Variants in MOCS3 observed in about 807,000 individuals in gnomAD.
MOCS3 encodes adenylyltransferase and sulfurtransferase MOCS3.
A neutral mutation model predicts 8.4 loss-of-function variants in MOCS3; 9 were observed. That is an observed-to-expected ratio of 1.07 (90% CI 0.65 to 1.87). The LOEUF (loss-of-function observed/expected upper bound fraction) is 1.87. Among genes scored for constraint, MOCS3 ranks in the 40% most tolerant of loss-of-function variants. MOCS3 has a pLI of 0.00. For missense variants in MOCS3, 581 were observed against 599.7 expected (o/e 0.97, Z 0.33); for synonymous variants, 294 against 272.0 (o/e 1.08, Z -0.80).
At position 50,963,647 on chromosome 20, in the gene MOCS3, G is replaced by A. The variant is rs1987144489; in HGVS notation, c.*3422G>A. ...ATTAGGGAGAGTGGGACAGGGTGAG[G>A]TTTGAGAAGCAGGGAACATCATAAA... is the stretch of plus-strand genomic sequence containing the variant. On this transcript the variant is annotated 3_prime_UTR_variant, in exon 1 of 1. Coordinates refer to ENST00000244051, the MANE Select transcript of MOCS3 (RefSeq NM_014484.5). 1 of 152,226 alleles carries A rather than the reference G, an allele frequency of 6.6e-6. No homozygotes were observed. Among genetic ancestry groups the A allele is most frequent in the Admixed American group, 6.5e-5 (1 of 15,276 alleles). The allele number at this position is 152,226 out of a possible 1,614,324, so 9.4% of individuals were successfully genotyped here.
rs903922700 is a variant in MOCS3 at position 50,963,071 on chromosome 20, C to T, written c.*2846C>T. The T allele has an allele frequency of 7.9e-5, 12 of 152,086 alleles. No homozygotes were observed. Among genetic ancestry groups the T allele is most frequent in the Non-Finnish European group, 1.6e-4 (11 of 68,040 alleles). 9.4% of individuals were successfully genotyped at this position (152,086 alleles called of 1,614,324 possible). ...TAGCTTGAATTACAGTTGTATGCCA[C>T]CATGCCTAGCCATTTTTTAATTTAA... On this transcript the variant is annotated 3_prime_UTR_variant, in exon 1 of 1. Transcript: ENST00000244051.
In MOCS3 at chr20:50,959,273, C is replaced by A. The variant is rs867772153; in HGVS notation, c.431C>A (p.Ser144Ter). 1 of 1,609,866 alleles carries A rather than the reference C, an allele frequency of 6.2e-7. No homozygotes were observed. The highest frequency in any genetic ancestry group is 8.5e-7 in the Non-Finnish European group (1 of 1,179,392). The change falls in exon 1 of 1, where the codon TCG becomes TAG. Residue 144 changes from serine to a stop codon, truncating the protein, a stop_gained. Coordinates refer to ENST00000244051, the MANE Select transcript of MOCS3 (RefSeq NM_014484.5). LOFTEE classifies it low-confidence loss of function (END_TRUNC). ...GCCAAGGCCTTTTCGGCCGCCGCCT[C>A]GCTGCGCCGCCTCAATTCGGCAGTG... ...GQAKAFSAAA[S>*]LRRLNSAVEC... is the part of the protein sequence containing the mutation.
In MOCS3 at chr20:50,962,154, C is replaced by G. The variant is rs2123164387; in HGVS notation, c.*1929C>G. 2 of 152,320 alleles carry G rather than the reference C, an allele frequency of 1.3e-5. No homozygotes were observed. The highest frequency in any genetic ancestry group is 6.8e-3 in the Middle Eastern group (2 of 294). 9.4% of individuals were successfully genotyped at this position (152,320 alleles called of 1,614,324 possible). A position where few individuals can be genotyped will look rare whatever the true frequency, so the allele number is the denominator to read the frequency against. ...ATGATGCCCGAAATCATGCACAAAA[C>G]TGGCCTTAGGAGAACAGTGTCTATG... On this transcript the variant is annotated 3_prime_UTR_variant, in exon 1 of 1. Coordinates refer to ENST00000244051, the MANE Select transcript of MOCS3 (RefSeq NM_014484.5).
Position 50,958,869 on chromosome 20 carries a change from C to CT in MOCS3, c.29dup (p.Leu10PhefsTer4). 1 of 1,597,716 alleles carries CT rather than the reference C, an allele frequency of 6.3e-7. No homozygotes were observed. The highest frequency in any genetic ancestry group is 8.6e-7 in the Non-Finnish European group (1 of 1,167,710). ...TGGCTTCCCGGGAGGAGGTACTCGC[C>CT]TTACAAGCTGAAGTTGCCCAACGTG... On this transcript the variant is annotated frameshift_variant, in exon 1 of 1. Transcript: ENST00000244051. LOFTEE classifies it low-confidence loss of function (END_TRUNC).
At position 50,961,316 on chromosome 20, in the gene MOCS3, G is replaced by A. The variant is rs1987098688; in HGVS notation, c.*1091G>A. On this transcript the variant is annotated 3_prime_UTR_variant, in exon 1 of 1. Transcript: ENST00000244051. Reference sequence around the variant, plus strand: ...TTATACTAATGTAAAATGTTTTTATGTTTGTTTACTTAACATTTTCATAAA... The same window carrying A: ...TTATACTAATGTAAAATGTTTTTATATTTGTTTACTTAACATTTTCATAAA... The A allele has an allele frequency of 6.1e-6, 1 of 163,008 alleles. No individual in the cohort carries two copies. The highest frequency in any genetic ancestry group is 2.5e-5 in the African/African-American group (1 of 40,040). The allele number at this position is 163,008 out of a possible 1,614,324, so 10.1% of individuals were successfully genotyped here. A position where few individuals can be genotyped will look rare whatever the true frequency, so the allele number is the denominator to read the frequency against.
chr20:50,960,351 T>A lies in MOCS3; in HGVS notation c.*126T>A. On this transcript the variant is annotated 3_prime_UTR_variant, in exon 1 of 1. Coordinates refer to ENST00000244051, the MANE Select transcript of MOCS3 (RefSeq NM_014484.5). ...CTACAGTATCTGTGAATACGTGGAC[T>A]CCTTTTTATAAGGAGTTTTAAAAAT... The A allele has an allele frequency of 1.0e-6, 1 of 969,992 alleles. No individual in the cohort carries two copies. The highest frequency in any genetic ancestry group is 1.5e-6 in the Non-Finnish European group (1 of 676,266). 60.1% of individuals were successfully genotyped at this position (969,992 alleles called of 1,614,324 possible).
rs1371866797 is a variant in MOCS3, at chr20:50,959,641, C to T, written c.799C>T (p.Leu267=). The T allele has an allele frequency of 1.9e-6, 3 of 1,614,232 alleles. No individual in the cohort carries two copies. Among genetic ancestry groups the T allele is most frequent in the Non-Finnish European group, 2.5e-6 (3 of 1,180,052 alleles). The part of the protein sequence containing the change: ...ALEVLKIAAG[L]GPSYSGSLLL... ...GGAAGTGCTGAAAATCGCTGCGGGTCTGGGCCCCTCTTACAGTGGCAGCTT... is the reference window on the plus strand; with the variant it reads ...GGAAGTGCTGAAAATCGCTGCGGGTTTGGGCCCCTCTTACAGTGGCAGCTT... Residue 267 remains leucine (L), a synonymous_variant, in exon 1 of 1, where the codon CTG becomes TTG. Transcript: ENST00000244051.
In MOCS3 at chr20:50,959,277, G is replaced by A; in HGVS notation, c.435G>A (p.Leu145=). ...AGGCCTTTTCGGCCGCCGCCTCGCT[G>A]CGCCGCCTCAATTCGGCAGTGGAAT... The part of the protein sequence containing the change: ...QAKAFSAAAS[L]RRLNSAVECV... The change falls in exon 1 of 1, where the codon CTG becomes CTA. Residue 145 remains leucine, a synonymous_variant. Transcript: ENST00000244051. 6.2e-7 allele frequency: 1 copy of A among 1,610,088 alleles called. No individual in the cohort carries two copies. Among genetic ancestry groups the A allele is most frequent in the Non-Finnish European group, 8.5e-7 (1 of 1,179,416 alleles).
chr20:50,962,849 A>T lies in MOCS3; in HGVS notation c.*2624A>T, dbSNP rs1987130132. On this transcript the variant is annotated 3_prime_UTR_variant, in exon 1 of 1. Coordinates refer to ENST00000244051, the MANE Select transcript of MOCS3 (RefSeq NM_014484.5). Reference sequence around the variant, plus strand: ...ACAGGCATGAGTCACTGCACCTGGCATATATTAGTATTTGAAATTTGGTTT... The same window carrying T: ...ACAGGCATGAGTCACTGCACCTGGCTTATATTAGTATTTGAAATTTGGTTT... The T allele has an allele frequency of 2.0e-5, 3 of 152,098 alleles. No individual in the cohort carries two copies. The South Asian group carries it at 6.2e-4, about 32-fold the overall frequency. 9.4% of individuals were successfully genotyped at this position (152,098 alleles called of 1,614,324 possible). A position where few individuals can be genotyped will look rare whatever the true frequency, so the allele number is the denominator to read the frequency against.
In MOCS3 at chr20:50,959,335, A is replaced by G; in HGVS notation, c.493A>G (p.Thr165Ala). The change falls in exon 1 of 1, where the codon ACT (threonine) becomes GCT (alanine). Residue 165 changes from threonine to alanine, a missense_variant. Transcript: ENST00000244051. ...VPYTQALTPA[T>A]ALDLVRRYDV... is the part of the protein sequence containing the mutation. ...GTACACTCAGGCCCTTACGCCAGCC[A>G]CTGCCCTAGACCTGGTCCGCCGATA... 1.2e-6 allele frequency: 2 copies of G among 1,610,324 alleles called. No individual in the cohort carries two copies. The highest frequency in any genetic ancestry group is 1.7e-6 in the Non-Finnish European group (2 of 1,178,274).
Position 50,959,461 on chromosome 20 carries a change from C to G in MOCS3, c.619C>G (p.Arg207Gly), listed in dbSNP as rs1987029304. ...GCCCCTCGTGTCTGCCAGTGCCTTG[C>G]GCTTCGAGGGCCAAATCACAGTCTA... ...GRPLVSASAL[R>G]FEGQITVYHY... The change falls in exon 1 of 1, where the codon CGC (arginine) becomes GGC (glycine). Residue 207 changes from arginine to glycine, a missense_variant. Coordinates refer to ENST00000244051, the MANE Select transcript of MOCS3 (RefSeq NM_014484.5). The G allele has an allele frequency of 6.2e-6, 10 of 1,613,952 alleles. No individual in the cohort carries two copies. In the East Asian group the frequency reaches 1.3e-4, roughly 22 times the overall value.
At position 50,960,185 on chromosome 20, in the gene MOCS3, C is replaced by G. The variant is rs774933539; in HGVS notation, c.1343C>G (p.Ala448Gly). The G allele has an allele frequency of 6.2e-7, 1 of 1,613,976 alleles. No individual in the cohort carries two copies. Among genetic ancestry groups the G allele is most frequent in the Non-Finnish European group, 8.5e-7 (1 of 1,179,866 alleles). Reference protein sequence around the residue: ...TVRDVVGGLMAWAAKIDGTFP... With the variant: ...TVRDVVGGLMGWAAKIDGTFP... ...CGGGATGTTGTGGGGGGCCTCATGG[C>G]CTGGGCTGCCAAAATCGATGGAACA... Residue 448 changes from alanine to glycine, a missense_variant, in exon 1 of 1, where the codon GCC becomes GGC. Ala to Gly is a moderately conservative substitution (Grantham distance 60). Transcript: ENST00000244051.
At position 50,958,881 on chromosome 20, in the gene MOCS3, A is replaced by C. The variant is rs951010755; in HGVS notation, c.39A>C (p.Glu13Asp). ...AGGAGGTACTCGCCTTACAAGCTGA[A>C]GTTGCCCAACGTGAGGAGGAATTGA... ...SREEVLALQA[E>D]VAQREEELNS... Residue 13 changes from glutamate to aspartate, a missense_variant, in exon 1 of 1, where the codon GAA (glutamate) becomes GAC (aspartate). By Grantham distance (45) the Glu-to-Asp change is conservative. Transcript: ENST00000244051. The C allele has an allele frequency of 7.5e-6, 12 of 1,600,992 alleles. No homozygotes were observed. The highest frequency in any genetic ancestry group is 9.4e-6 in the Non-Finnish European group (11 of 1,170,028).
At position 50,961,786 on chromosome 20, in the gene MOCS3, G is replaced by A. The variant is rs563021841; in HGVS notation, c.*1561G>A. ...GTATGGTATACCCTTCTGTTATAAA[G>A]ATGAAGCAGGTCTCTTATGACTGTT... On this transcript the variant is annotated 3_prime_UTR_variant, in exon 1 of 1. Coordinates refer to ENST00000244051, the MANE Select transcript of MOCS3 (RefSeq NM_014484.5). 6.6e-6 allele frequency: 1 copy of A among 152,184 alleles called. No individual in the cohort carries two copies. The highest frequency in any genetic ancestry group is 1.5e-5 in the Non-Finnish European group (1 of 68,036). The allele number at this position is 152,184 out of a possible 1,614,324, so 9.4% of individuals were successfully genotyped here. A position where few individuals can be genotyped will look rare whatever the true frequency, so the allele number is the denominator to read the frequency against.
rs1413280960 is a variant in MOCS3, at chr20:50,959,712, G to A, written c.870G>A (p.Leu290=). 2.5e-6 allele frequency: 4 copies of A among 1,614,266 alleles called. No individual in the cohort carries two copies. In the East Asian group the frequency reaches 8.9e-5, roughly 36 times the overall value. ...ALRGHFRSIR[L]RSRRLDCAAC... ...GAGGGCATTTCCGCTCTATTCGGCT[G>A]CGGAGCCGCAGGCTCGACTGTGCAG... The change falls in exon 1 of 1, where the codon CTG becomes CTA. Residue 290 remains leucine, a synonymous_variant. Coordinates refer to ENST00000244051, the MANE Select transcript of MOCS3 (RefSeq NM_014484.5).
In MOCS3 at chr20:50,961,532, CA is replaced by C. The variant is rs1302530675; in HGVS notation, c.*1308del. 2.0e-5 allele frequency: 3 copies of C among 152,158 alleles called. No homozygotes were observed. Among genetic ancestry groups the C allele is most frequent in the Non-Finnish European group, 4.4e-5 (3 of 68,034 alleles). 9.4% of individuals were successfully genotyped at this position (152,158 alleles called of 1,614,324 possible). A position where few individuals can be genotyped will look rare whatever the true frequency, so the allele number is the denominator to read the frequency against. On this transcript the variant is annotated 3_prime_UTR_variant, in exon 1 of 1. Transcript: ENST00000244051. ...GTTTTTTTAAGAATGGCAGAAATCA[CA>C]GATACAACTATAAAATCTTTGTATT... is the stretch of plus-strand genomic sequence containing the variant.
In MOCS3 at chr20:50,961,363, T is replaced by C. The variant is rs1987100007; in HGVS notation, c.*1138T>C. On this transcript the variant is annotated 3_prime_UTR_variant, in exon 1 of 1. Transcript: ENST00000244051. ...TAAAATAGTAGGTAGTCTCACCAACTTCCAATATATACAACAACATTATAA... is the reference window on the plus strand; with the variant it reads ...TAAAATAGTAGGTAGTCTCACCAACCTCCAATATATACAACAACATTATAA... 1 of 160,744 alleles carries C rather than the reference T, an allele frequency of 6.2e-6. No homozygotes were observed. 10.0% of individuals were successfully genotyped at this position (160,744 alleles called of 1,614,324 possible).
In MOCS3 at chr20:50,959,727, C is replaced by T. The variant is rs773225112; in HGVS notation, c.885C>T (p.Leu295=). Residue 295 remains leucine, a synonymous_variant, in exon 1 of 1, where the codon CTC becomes CTT. Coordinates refer to ENST00000244051, the MANE Select transcript of MOCS3 (RefSeq NM_014484.5). The part of the protein sequence containing the change: ...FRSIRLRSRR[L]DCAACGERPT... ...CTATTCGGCTGCGGAGCCGCAGGCT[C>T]GACTGTGCAGCTTGCGGGGAACGGC... is the stretch of plus-strand genomic sequence containing the variant. 2 of 1,614,242 alleles carry T rather than the reference C, an allele frequency of 1.2e-6. No individual in the cohort carries two copies. Among genetic ancestry groups the T allele is most frequent in the South Asian group, 2.2e-5 (2 of 91,082 alleles).
In MOCS3 at chr20:50,960,605, G is replaced by T; in HGVS notation, c.*380G>T. 1 of 181,340 alleles carries T rather than the reference G, an allele frequency of 5.5e-6. No individual in the cohort carries two copies. Among genetic ancestry groups the T allele is most frequent in the Non-Finnish European group, 1.3e-5 (1 of 77,888 alleles). 11.2% of individuals were successfully genotyped at this position (181,340 alleles called of 1,614,324 possible). Reference sequence around the variant, plus strand: ...ATACTTCGGATCTGTTTACTGTTCAGTTAAGAAATTCTTGGATCTTATTAA... The same window carrying T: ...ATACTTCGGATCTGTTTACTGTTCATTTAAGAAATTCTTGGATCTTATTAA... On this transcript the variant is annotated 3_prime_UTR_variant, in exon 1 of 1. Coordinates refer to ENST00000244051, the MANE Select transcript of MOCS3 (RefSeq NM_014484.5).
Sources: gnomAD v4.1 joint callset for allele counts on GRCh38, gnomAD v4.1.1 for gene constraint, MANE v1.5 for transcripts, NCBI Gene and HGNC (gene_info 2026-07-23, HGNC 2026-07-21) for gene names.